STK3: variants seen among roughly 807,000 people sequenced by gnomAD.
STK3 encodes serine/threonine kinase 3.
A neutral mutation model predicts 58.0 loss-of-function variants in STK3; 41 were observed. That is an observed-to-expected ratio of 0.71 (90% CI 0.55 to 0.92). The LOEUF is 0.92. Among genes scored for constraint, STK3 ranks in the 40% least tolerant of loss-of-function variants. The probability of loss-of-function intolerance (pLI) is 0.00; values close to 1 mark genes in which losing one functional copy is unlikely to be tolerated. For missense variants in STK3, 479 were observed against 602.7 expected, an observed-to-expected ratio of 0.79 and a Z score of 2.15; for synonymous variants, 170 against 191.0, an observed-to-expected ratio of 0.89 and a Z score of 0.91.
chr8:98,721,637 G>C (rs1368882703), intron 4 of STK3, among the ~76,000 whole-genome samples: 1 of 150,660 alleles, frequency 6.6e-6, no homozygotes, highest in Admixed American at 6.6e-5. Context: ...AAATAAACAG[G>C]CCTAAGAAAT....
chr8:98,790,919 G>A (rs901050821), intron 1 of STK3, among the ~76,000 whole-genome samples: 1 of 152,144 alleles, frequency 6.6e-6, no homozygotes, highest in African/African-American at 2.4e-5. Flanking sequence ...CAGAGGCAGA[G>A]GTTGCAGTGA....
chr8:98,570,959 A>G (rs1412364057), intron 8 of STK3, among the ~76,000 whole-genome samples: 1 of 152,220 alleles, frequency 6.6e-6, no homozygotes, highest in African/African-American at 2.4e-5. Flanking sequence ...CCAAGTAAGT[A>G]CATTACAGGC....
At chr8:98,721,361 A>G (rs1827411361) in intron 4 of STK3, among the ~76,000 whole-genome samples, 2 of 152,110 alleles carry the variant, frequency 1.3e-5, no homozygotes, top group African/African-American at 4.8e-5. Context: ...GTTCTACATA[A>G]CCTTAGAAAA....
intron 4 of STK3, among the ~76,000 whole-genome samples, chr8:98,726,342 T>G (rs977611639): frequency 2.0e-5 from 3 of 152,180 alleles, no homozygotes; most frequent in African/African-American, 7.2e-5. Flanking sequence ...GGAAAAATCA[T>G]AAAGTGTTTA....
At chr8:98,921,851 C>T (rs796897423) in intron 1 of STK3, among the ~76,000 whole-genome samples, 2 of 152,260 alleles carry the variant, frequency 1.3e-5, no homozygotes, top group African/African-American at 4.8e-5. Context: ...ACCACCAAGC[C>T]TGGTTAAGTT....
chr8:98,650,351 G>A (rs933916282), intron 6 of STK3, among the ~76,000 whole-genome samples: 24 of 152,202 alleles, frequency 1.6e-4, no homozygotes, highest in Admixed American at 1.1e-3. Context: ...AGAATGGCCC[G>A]GAGGGCAGCC....
intron 10 of STK3, among the ~76,000 whole-genome samples, chr8:98,522,300 C>T (rs1825425886): frequency 6.6e-6 from 1 of 152,126 alleles, no homozygotes; most frequent in East Asian, 1.9e-4. Flanking sequence ...TTCCTAAATT[C>T]AACATTCTAA....
intron 4 of STK3, among the ~76,000 whole-genome samples, chr8:98,708,963 C>G (rs1826180875): frequency 6.6e-6 from 1 of 151,678 alleles, no homozygotes; most frequent in South Asian, 2.1e-4. Context: ...AAAAAACCAA[C>G]CAAGTGATTA....
At chr8:98,871,668 C>T (rs1238098839) in intron 3 of STK3, among the ~76,000 whole-genome samples, 1 of 152,112 alleles carries the variant, frequency 6.6e-6, no homozygotes, top group African/African-American at 2.4e-5. Flanking sequence ...TATAGGAATG[C>T]TTGTGATTTT....
chr8:98,623,918 GA>G (rs1485155215), intron 6 of STK3, among the ~76,000 whole-genome samples: 1 of 152,218 alleles, frequency 6.6e-6, no homozygotes, highest in African/African-American at 2.4e-5. Flanking sequence ...AGAACTGTAA[GA>G]AAATAAACTG....
At chr8:98,493,385 A>T (rs1483238604) in intron 10 of STK3, among the ~76,000 whole-genome samples, 2 of 152,190 alleles carry the variant, frequency 1.3e-5, no homozygotes, top group East Asian at 3.9e-4. Flanking sequence ...TCCCTCCTTG[A>T]TTCACTTCCC....
chr8:98,651,328 A>G (rs1003156840), intron 6 of STK3: 5 of 152,430 alleles, frequency 3.3e-5, no homozygotes, highest in South Asian at 2.1e-4. Context: ...CATCCACACC[A>G]AAAACCCATC....
intron 7 of STK3, among the ~76,000 whole-genome samples, chr8:98,584,423 T>C (rs1220724417): frequency 6.6e-6 from 1 of 151,642 alleles, no homozygotes; most frequent in African/African-American, 2.4e-5. Context: ...ACAAAGGACA[T>C]GAACTCATCA....
intron 1 of STK3, among the ~76,000 whole-genome samples, chr8:98,902,696 A>G (rs556448103): frequency 6.6e-6 from 1 of 152,348 alleles, no homozygotes; most frequent in East Asian, 1.9e-4. Context: ...ATTTAAAAAC[A>G]TAGTAAATGG....
In STK3 at chr8:98,929,470, A is replaced by T. The variant is rs986773272; in HGVS notation, c.-79+12908T>A. On this transcript the variant is annotated intron_variant, in intron 1 of 1. Coordinates refer to the STK3 transcript ENST00000519420. ...TCAGGAGTTTGAGACTAGCCTAGGG[A>T]ACGTGGCGAAACCCCATCTCTGCAA... Among the ~76,000 whole-genome samples, 6 of 152,230 alleles carry T rather than the reference A, an allele frequency of 3.9e-5. No homozygotes were observed. In the South Asian group the frequency reaches 1.0e-3, roughly 26 times the overall value.
rs960945563 is a variant in STK3 at position 98,800,286 on chromosome 8, G to T, written c.26+25229C>A. Among the ~76,000 whole-genome samples the T allele has an allele frequency of 1.6e-4, 24 of 152,196 alleles. No individual in the cohort carries two copies. The highest frequency in any genetic ancestry group is 1.6e-3 in the Admixed American group (24 of 15,282). On this transcript the variant is annotated intron_variant, in intron 1 of 10. Transcript: ENST00000419617. The surrounding 1 kb of genome is among the most constrained non-coding windows in gnomAD (Gnocchi z 4.8). ...ACCTGCTGGCACTTTCAATGGCCTAGAGAGCTCCCCTCTGGAGGACACTAC... is the reference window on the plus strand; with the variant it reads ...ACCTGCTGGCACTTTCAATGGCCTATAGAGCTCCCCTCTGGAGGACACTAC...
At chr8:98,905,608 AAG>A in intron 1 of STK3, 1 of 966,490 alleles carries the variant, frequency 1.0e-6, no homozygotes, top group Non-Finnish European at 1.7e-6. Flanking sequence ...ACTGCTTGAA[AAG>A]AGAGCGGATC....
At chr8:98,825,476 C>T in intron 1 of STK3, 39 bp downstream of exon 1, 4 of 1,437,200 alleles carry the variant, frequency 2.8e-6, no homozygotes, top group Non-Finnish European at 3.7e-6. Context: ...CGGCCGCCGG[C>T]GCCGCTTCCC....
chr8:98,670,812 T>G (rs369014543), intron 6 of STK3, among the ~76,000 whole-genome samples: 10 of 152,220 alleles, frequency 6.6e-5, no homozygotes, highest in East Asian at 5.8e-4. Context: ...CTCTCTAGAC[T>G]GAGAGCTGCT....
Sources: allele counts gnomAD v4.1 joint callset (sites outside exome capture counted in the v4.1 genomes callset), GRCh38; gene constraint gnomAD v4.1.1; non-coding constraint Gnocchi (gnomAD v3.1); transcripts MANE v1.5; gene names NCBI Gene and HGNC (gene_info 2026-07-23, HGNC 2026-07-21).